The following THSD7A variants were observed in gnomAD, a reference collection of about 807,000 sequenced individuals.
THSD7A encodes the protein thrombospondin type-1 domain-containing protein 7A.
Under a neutral mutation model 231.3 loss-of-function variants are expected in THSD7A, and 96 were observed. The observed-to-expected ratio is 0.41, with a 90% CI of 0.35 to 0.49. The LOEUF (loss-of-function observed/expected upper bound fraction) is 0.49. Ranked by LOEUF, THSD7A falls within the 20% of genes least tolerant of loss-of-function variation. The probability of loss-of-function intolerance (pLI) is 0.05; values close to 1 mark genes in which losing one functional copy is unlikely to be tolerated. For synonymous variants in THSD7A, 940 were observed against 743.3 expected, an observed-to-expected ratio of 1.26 and a Z score of -4.30; for missense variants, 2,290 against 2,070.2, an observed-to-expected ratio of 1.11 and a Z score of -2.06.
At chr7:11,541,656 C>T (rs1562701066) in intron 5 of THSD7A, 25 bp from the exon 6 acceptor site, 1 of 1,591,024 alleles carries the variant, frequency 6.3e-7, no homozygotes, top group African/African-American at 1.3e-5. Context: ...AAGGAAAAAT[C>T]TATTGTTACT....
intron 1 of THSD7A, among the ~76,000 whole-genome samples, chr7:11,717,877 TATG>T (rs1406059917): frequency 6.6e-6 from 1 of 151,682 alleles, no homozygotes; most frequent in African/African-American, 2.4e-5. Flanking sequence ...ATATGGTTTC[TATG>T]ATATTTTTTG....
At chr7:11,553,434 TCAGTGAATGAAGTAAAGGA>T (rs1690553790) in intron 4 of THSD7A, among the ~76,000 whole-genome samples, 1 of 152,106 alleles carries the variant, frequency 6.6e-6, no homozygotes, top group Non-Finnish European at 1.5e-5. Flanking sequence ...TCAGTGTAAT[TCAGTGAATGAAGTAAAGGA>T]CAGACCTAGG....
chr7:11,581,493 A>G (rs1791162598), intron 4 of THSD7A, among the ~76,000 whole-genome samples: 1 of 152,078 alleles, frequency 6.6e-6, no homozygotes, highest in African/African-American at 2.4e-5. Context: ...CTTTTCCATT[A>G]GCAAACTGGG....
intron 1 of THSD7A, among the ~76,000 whole-genome samples, chr7:11,734,208 G>T (rs1042630307): frequency 1.3e-5 from 2 of 151,874 alleles, no homozygotes; most frequent in African/African-American, 2.4e-5. Context: ...CTTAATTGTT[G>T]CTCTCTTTTA....
At chr7:11,698,144 A>G (rs1780459824) in intron 1 of THSD7A, among the ~76,000 whole-genome samples, 1 of 151,410 alleles carries the variant, frequency 6.6e-6, no homozygotes, top group Non-Finnish European at 1.5e-5. Context: ...GAATGTATGT[A>G]TGTATCTAAA....
chr7:11,519,374 T>C (rs28575502), intron 6 of THSD7A, among the ~76,000 whole-genome samples: 11,251 of 152,200 alleles, frequency 0.074, 474 homozygotes, highest in African/African-American at 0.12. Flanking sequence ...TGAATAAATT[T>C]TTAGCTTCCT....
intron 1 of THSD7A, among the ~76,000 whole-genome samples, chr7:11,641,764 A>AAATAT (rs1283226934): frequency 8.3e-6 from 1 of 120,810 alleles, no homozygotes; most frequent in African/African-American, 2.7e-5. Context: ...AAATAAAATA[A>AAATAT]AATATAATAT....
At position 11,636,240 on chromosome 7, in the gene THSD7A, T is replaced by C; in HGVS notation, c.912A>G (p.Arg304=). 6.2e-7 allele frequency: 1 copy of C among 1,614,058 alleles called. No homozygotes were observed. Among genetic ancestry groups the C allele is most frequent in the Non-Finnish European group, 8.5e-7 (1 of 1,179,914 alleles). Residue 304 remains arginine (R), a synonymous_variant, in exon 2 of 28, where the codon AGA becomes AGG. Transcript: ENST00000423059. The surrounding 1 kb of genome is among the most constrained non-coding windows in gnomAD (Gnocchi z 10.0). ...PEARELIKKK[R]NRNRQNRQEN... ...CTTGTCTGTTCTGCCTGTTTCTGTT[T>C]CTCTTTTTCTTAATAAGCTCGCGGG... is the stretch of plus-strand genomic sequence containing the variant.
rs547788981 is a variant in THSD7A at position 11,397,448 on chromosome 7, C to T, written c.4411+4347G>A. On this transcript the variant is annotated intron_variant, in intron 23 of 27. Coordinates refer to ENST00000423059, the MANE Select transcript of THSD7A (RefSeq NM_015204.3). The stretch of plus-strand genomic sequence containing the variant: ...AAGACGTAAACCCAAGACCTAAAAC[C>T]GTAAAAACCGTAGAAGAAAACCTAG... Among the ~76,000 whole-genome samples, 14 of 152,184 alleles carry T rather than the reference C, an allele frequency of 9.2e-5. No homozygotes were observed. In the South Asian group the frequency reaches 1.2e-3, roughly 14 times the overall value.
chr7:11,761,387 C>G (rs1265582595), intron 1 of THSD7A, among the ~76,000 whole-genome samples: 1 of 152,078 alleles, frequency 6.6e-6, no homozygotes, highest in Non-Finnish European at 1.5e-5. Flanking sequence ...AATAGAATCA[C>G]TTATACAGTA....
In THSD7A at chr7:11,636,489, C is replaced by T. The variant is rs1781855599; in HGVS notation, c.663G>A (p.Val221=). 2.5e-6 allele frequency: 4 copies of T among 1,613,808 alleles called. No homozygotes were observed. Among genetic ancestry groups the T allele is most frequent in the East Asian group, 2.2e-5 (1 of 44,862 alleles). ...AGCCTCCGAACTGCGGGGGCGCCAC[C>T]ACATGACGCGTCCGGTGCTGGAGCC... ...GSGLQHRTRH[V]VAPPQFGGSG... is the part of the protein sequence containing the mutation. The change falls in exon 2 of 28, where the codon GTG becomes GTA. Residue 221 remains valine, a synonymous_variant. Coordinates refer to ENST00000423059, the MANE Select transcript of THSD7A (RefSeq NM_015204.3). The surrounding 1 kb of genome is among the most constrained non-coding windows in gnomAD (Gnocchi z 10.0).
chr7:11,743,328 A>T (rs1174556122), intron 1 of THSD7A, among the ~76,000 whole-genome samples: 1 of 151,926 alleles, frequency 6.6e-6, no homozygotes, highest in Non-Finnish European at 1.5e-5. Flanking sequence ...TGAAATGTAT[A>T]GCAATTGAAA....
intron 1 of THSD7A, among the ~76,000 whole-genome samples, chr7:11,687,141 T>C (rs1043478367): frequency 2.6e-5 from 4 of 151,926 alleles, no homozygotes; most frequent in Non-Finnish European, 5.9e-5. Flanking sequence ...GTGACCCCAA[T>C]TACATTTGCA....
At chr7:11,706,630 C>CTGTTTGTTTTTTTTTTTTTTTTT (rs1780776368) in intron 1 of THSD7A, among the ~76,000 whole-genome samples, 1 of 66,420 alleles carries the variant, frequency 1.5e-5, no homozygotes, top group Non-Finnish European at 2.7e-5. Flanking sequence ...TAACAAGGTG[C>CTGTTTGTTTTTTTTTTTTTTTTT]TTTTTTTTTT....
intron 1 of THSD7A, among the ~76,000 whole-genome samples, chr7:11,813,707 C>T (rs1393287553): frequency 7.2e-6 from 1 of 139,822 alleles, no homozygotes; most frequent in East Asian, 2.1e-4. Context: ...AGCAAGACTC[C>T]ATCTCAAAAT....
At chr7:11,589,984 T>C (rs2128340658) in intron 4 of THSD7A, among the ~76,000 whole-genome samples, 1 of 152,306 alleles carries the variant, frequency 6.6e-6, no homozygotes, top group East Asian at 1.9e-4. Flanking sequence ...TTACTGTAGT[T>C]TCTATTCTGT....
chr7:11,434,468 T>G (rs953731870), intron 13 of THSD7A, among the ~76,000 whole-genome samples: 1 of 152,166 alleles, frequency 6.6e-6, no homozygotes, highest in East Asian at 1.9e-4. Flanking sequence ...AATGTGGAGA[T>G]AAAGTAGATT....
At chr7:11,771,347 G>A (rs1783222189) in intron 1 of THSD7A, among the ~76,000 whole-genome samples, 1 of 151,816 alleles carries the variant, frequency 6.6e-6, no homozygotes, top group East Asian at 1.9e-4. Context: ...AAAAACAGTT[G>A]AATATGAAGC....
intron 1 of THSD7A, among the ~76,000 whole-genome samples, chr7:11,741,421 T>C (rs1187139544): frequency 6.6e-6 from 1 of 151,912 alleles, no homozygotes; most frequent in Non-Finnish European, 1.5e-5. Context: ...CTTCCATTGG[T>C]CAAGTATTAA....
Sources: gnomAD v4.1 joint callset for allele counts (sites outside exome capture counted in the v4.1 genomes callset) on GRCh38, gnomAD v4.1.1 for gene constraint, Gnocchi (gnomAD v3.1) non-coding constraint, MANE v1.5 for transcripts, NCBI Gene and HGNC (gene_info 2026-07-23, HGNC 2026-07-21) for gene names.